Variants in POLR1D observed in about 807,000 individuals in gnomAD.
POLR1D encodes the protein DNA-directed RNA polymerases I and III subunit RPAC2.
POLR1D carries 8 observed loss-of-function variants against 10.8 expected under a neutral mutation model. That is an observed-to-expected ratio of 0.74 (90% CI 0.43 to 1.33). The LOEUF (loss-of-function observed/expected upper bound fraction) is 1.33. Among genes scored for constraint, POLR1D ranks in the 40% most tolerant of loss-of-function variants. The pLI, the probability that POLR1D is intolerant of heterozygous loss-of-function variation, is 0.01. For missense variants in POLR1D, 152 were observed against 161.7 expected (o/e 0.94, Z 0.32); for synonymous variants, 54 against 57.2 (o/e 0.94, Z 0.25).
chr13:27,666,897 G>A (rs1956423686), exon 3 of POLR1D: 1 of 152,056 alleles, frequency 6.6e-6, no homozygotes, highest in Admixed American at 6.6e-5. Flanking sequence ...TTCACAAAAG[G>A]AAGAAGATGA....
chr13:27,627,077 T>G (rs1010768871), downstream of POLR1D, among the ~76,000 whole-genome samples: 3 of 152,206 alleles, frequency 2.0e-5, no homozygotes, highest in African/African-American at 7.2e-5. Context: ...GACAAAAGTC[T>G]TCTTTTTGGT....
chr13:27,660,374 G>A (rs117106822), intron 2 of POLR1D, among the ~76,000 whole-genome samples: 1 of 152,324 alleles, frequency 6.6e-6, no homozygotes, highest in East Asian at 1.9e-4. Flanking sequence ...GCTAGTATGG[G>A]AATGGATTTG....
At chr13:27,625,151 A>G (rs1955996043), downstream of POLR1D, among the ~76,000 whole-genome samples, 1 of 152,146 alleles carries the variant, frequency 6.6e-6, no homozygotes, top group Non-Finnish European at 1.5e-5. Context: ...TTTTTGTAGC[A>G]CAGTAGACAA....
At chr13:27,646,545 C>T (rs188006280) in intron 1 of POLR1D, among the ~76,000 whole-genome samples, 68 of 152,266 alleles carry the variant, frequency 4.5e-4, no homozygotes, top group African/African-American at 1.5e-3. Context: ...GATAGGCAAG[C>T]GCTTTAGTTT....
Position 27,661,617 on chromosome 13 carries a change from G to C in POLR1D, c.102-4069G>C, listed in dbSNP as rs138714959. On this transcript the variant is annotated intron_variant, in intron 2 of 2. Coordinates refer to the POLR1D transcript ENST00000399697. ...CAGATGGTTACCCTAAAGCTGATAC[G>C]AGAAAAGCCAGGAATGGTGGAGTGT... 1.1e-4 allele frequency among the ~76,000 whole-genome samples: 16 copies of C among 152,316 alleles called. No homozygotes were observed. In the East Asian group the frequency reaches 3.1e-3, roughly 29 times the overall value.
intron 2 of POLR1D, among the ~76,000 whole-genome samples, chr13:27,653,910 A>G (rs1232121509): frequency 1.3e-5 from 2 of 152,198 alleles, no homozygotes; most frequent in Non-Finnish European, 2.9e-5. Flanking sequence ...AGAAAATACT[A>G]CCTTACAAAG....
downstream of POLR1D, among the ~76,000 whole-genome samples, chr13:27,627,763 T>C (rs1262947286): frequency 1.4e-5 from 2 of 139,940 alleles, no homozygotes; most frequent in Non-Finnish European, 3.1e-5. Flanking sequence ...CCCATGCCTG[T>C]GTGCAGAATG....
intron 2 of POLR1D, chr13:27,665,417 A>G (rs1956405758): frequency 2.1e-6 from 1 of 482,156 alleles, no homozygotes; most frequent in Non-Finnish European, 3.8e-6. Flanking sequence ...CAATACCTGT[A>G]CATATGAACT....
At chr13:27,626,969 A>G (rs553777645), downstream of POLR1D, among the ~76,000 whole-genome samples, 15 of 152,304 alleles carry the variant, frequency 9.8e-5, no homozygotes, top group African/African-American at 2.6e-4. Flanking sequence ...CTCAAGAGAT[A>G]GGAAAGCATA....
chr13:27,623,163 T>C lies in POLR1D; in HGVS notation c.315T>C (p.Asn105=). The change falls in exon 2 of 2, where the codon AAT becomes AAC. Residue 105 remains asparagine (N), a synonymous_variant. Transcript: ENST00000302979. ...PFQRGLNELM[N]VCQHVLDKFE... is the part of the protein sequence containing the mutation. The stretch of plus-strand genomic sequence containing the variant: ...AGAGAGGCCTGAATGAGCTCATGAA[T>C]GTCTGCCAACATGTGCTTGACAAGT... 1 of 1,614,168 alleles carries C rather than the reference T, an allele frequency of 6.2e-7. No individual in the cohort carries two copies. Among genetic ancestry groups the C allele is most frequent in the Non-Finnish European group, 8.5e-7 (1 of 1,180,028 alleles).
downstream of POLR1D, among the ~76,000 whole-genome samples, chr13:27,627,412 A>C (rs1034890104): frequency 9.2e-5 from 14 of 152,156 alleles, no homozygotes; most frequent in Admixed American, 2.0e-4. Flanking sequence ...AGAGACTATG[A>C]GTCTGTCCTG....
chr13:27,657,923 A>G (rs989718034), intron 2 of POLR1D, among the ~76,000 whole-genome samples: 2 of 152,212 alleles, frequency 1.3e-5, no homozygotes, highest in Admixed American at 1.3e-4. Flanking sequence ...GGGCTATGAA[A>G]GGAGGTCTGG....
rs866811025 is a variant in POLR1D at position 27,621,928 on chromosome 13, G to T, written c.-56G>T. On this transcript the variant is annotated 5_prime_UTR_variant, in exon 1 of 2. The change abolishes an upstream ATG in the 5' untranslated region. Coordinates refer to ENST00000302979, the MANE Select transcript of POLR1D (RefSeq NM_015972.4). ...GCTTCGCCTCCGCGCCTCGCGCTAT[G>T]GGACAGAGCCCCCGATCCGCCAGCA... The T allele has an allele frequency of 1.9e-5, 30 of 1,560,038 alleles. No homozygotes were observed. The highest frequency in any genetic ancestry group is 1.7e-4 in the Middle Eastern group (1 of 6,008).
chr13:27,648,962 T>C (rs1956244354), intron 2 of POLR1D, among the ~76,000 whole-genome samples: 2 of 152,208 alleles, frequency 1.3e-5, no homozygotes, highest in South Asian at 2.1e-4. Flanking sequence ...CAATGGCTTA[T>C]GCCTGTCATC....
chr13:27,622,668 G>A (rs117902496), intron 1 of POLR1D, among the ~76,000 whole-genome samples: 2,534 of 152,218 alleles, frequency 0.017, 29 homozygotes, highest in Middle Eastern at 0.041. Flanking sequence ...AGTGTGGATG[G>A]TCAAATGGAG....
downstream of POLR1D, among the ~76,000 whole-genome samples, chr13:27,625,064 G>T (rs779789034): frequency 7.9e-5 from 12 of 152,296 alleles, no homozygotes; most frequent in Middle Eastern, 3.4e-3. Flanking sequence ...CATTCTGGGG[G>T]TATAGCATGT....
chr13:27,666,086 A>C, exon 3 of POLR1D: 1 of 817,438 alleles, frequency 1.2e-6, no homozygotes, highest in South Asian at 1.8e-5. Context: ...GTTTTTAAAG[A>C]GGCTGCTGGC....
chr13:27,656,689 A>G (rs371321957), intron 2 of POLR1D, among the ~76,000 whole-genome samples: 12 of 152,332 alleles, frequency 7.9e-5, no homozygotes, highest in African/African-American at 2.4e-4. Flanking sequence ...GTGCAGGGCC[A>G]TGGGCAAAAT....
downstream of POLR1D, among the ~76,000 whole-genome samples, chr13:27,623,686 A>G (rs1955977799): frequency 2.0e-5 from 3 of 152,180 alleles, no homozygotes; most frequent in Admixed American, 2.0e-4. Flanking sequence ...GAAGGAAAGA[A>G]GATTGGGGTG....
Sources: allele counts gnomAD v4.1 joint callset (sites outside exome capture counted in the v4.1 genomes callset), GRCh38; gene constraint gnomAD v4.1.1; transcripts MANE v1.5; gene names NCBI Gene and HGNC (gene_info 2026-07-23, HGNC 2026-07-21).